The following BCAR3 variants were observed in gnomAD, a reference collection of about 807,000 sequenced individuals.
The protein encoded by BCAR3 is breast cancer anti-estrogen resistance protein 3.
BCAR3 carries 37 observed loss-of-function variants against 80.1 expected under a neutral mutation model. The observed-to-expected ratio is 0.46, with a 90% CI of 0.36 to 0.61. BCAR3 has a LOEUF of 0.61. Ranked by LOEUF, BCAR3 falls within the 20% of genes least tolerant of loss-of-function variation. BCAR3 has a pLI of 0.00. For synonymous variants in BCAR3, 389 were observed against 418.9 expected (o/e 0.93, Z 0.87); for missense variants, 978 against 1,068.2 (o/e 0.92, Z 1.18).
chr1:93,642,582 A>T (rs1676017087), intron 2 of BCAR3, among the ~76,000 whole-genome samples: 1 of 152,170 alleles, frequency 6.6e-6, no homozygotes, highest in South Asian at 2.1e-4. Flanking sequence ...GAGTATTTAC[A>T]TGTGGTAATT....
chr1:93,700,680 C>T (rs776012139), intron 3 of BCAR3, among the ~76,000 whole-genome samples: 2 of 152,184 alleles, frequency 1.3e-5, no homozygotes, highest in Admixed American at 6.5e-5. Flanking sequence ...ACTCCGGCAA[C>T]GACTCTGAAT....
intron 2 of BCAR3, among the ~76,000 whole-genome samples, chr1:93,778,164 C>T (rs1031826322): frequency 6.6e-6 from 1 of 152,064 alleles, no homozygotes; most frequent in African/African-American, 2.4e-5. Context: ...TGAAATAAAC[C>T]CTGGTTCCAT....
intron 2 of BCAR3, among the ~76,000 whole-genome samples, chr1:93,669,388 G>A (rs1028190243): frequency 6.6e-6 from 1 of 152,168 alleles, no homozygotes; most frequent in Admixed American, 6.5e-5. Context: ...TTGAAGATCT[G>A]ACATTGTGAC....
intron 3 of BCAR3, among the ~76,000 whole-genome samples, chr1:93,609,208 TA>T (rs1200449820): frequency 6.6e-6 from 1 of 152,110 alleles, no homozygotes; most frequent in Non-Finnish European, 1.5e-5. Context: ...GAAATGACTT[TA>T]AAGGAAAACA....
chr1:93,691,263 T>C (rs1166015557), intron 3 of BCAR3, among the ~76,000 whole-genome samples: 2 of 152,206 alleles, frequency 1.3e-5, no homozygotes, highest in African/African-American at 2.4e-5. Context: ...GAAAGCATTA[T>C]AGAAATGATA....
intron 5 of BCAR3, 118 bp from the exon 6 acceptor site, chr1:93,584,239 G>A (rs1673849862): frequency 1.2e-6 from 1 of 820,814 alleles, no homozygotes; most frequent in Non-Finnish European, 1.9e-6. Flanking sequence ...CAGAACGAGA[G>A]TGCTACAGCA....
intron 2 of BCAR3, among the ~76,000 whole-genome samples, chr1:93,811,429 G>A (rs1246608477): frequency 6.6e-6 from 1 of 152,168 alleles, no homozygotes; most frequent in Non-Finnish European, 1.5e-5. Flanking sequence ...AAAGACAGAG[G>A]GTGAGGCTCA....
chr1:93,583,973 C>T, intron 6 of BCAR3, 45 bp downstream of exon 6: 1 of 1,572,898 alleles, frequency 6.4e-7, no homozygotes, highest in African/African-American at 1.4e-5. Context: ...CTGAAGGAAA[C>T]CAGGGTAACA....
intron 3 of BCAR3, chr1:93,594,658 T>G (rs961451110): frequency 6.6e-6 from 1 of 152,258 alleles, no homozygotes. Context: ...CTGACCCCCA[T>G]TGAGTCACCC....
Position 93,567,787 on chromosome 1 carries a change from T to C in BCAR3, c.2039A>G (p.Tyr680Cys), listed in dbSNP as rs925263186. ...RHQYTQTAIL[Y>C]EKQLKPFSKL... The stretch of plus-strand genomic sequence containing the variant: ...GCTGAAGGGCTTCAGCTGTTTCTCA[T>C]AGAGAATGGCAGTTTGGGTGTACTG... Residue 680 changes from tyrosine (Y) to cysteine (C), a missense_variant, in exon 10 of 12, where the codon TAT (tyrosine) becomes TGT (cysteine). Coordinates refer to ENST00000260502, the MANE Select transcript of BCAR3 (RefSeq NM_003567.4). The C allele has an allele frequency of 1.2e-6, 2 of 1,614,220 alleles. No homozygotes were observed. The highest frequency in any genetic ancestry group is 1.1e-5 in the South Asian group (1 of 91,086).
At chr1:93,728,707 C>A (rs1650681038) in intron 2 of BCAR3, among the ~76,000 whole-genome samples, 1 of 152,172 alleles carries the variant, frequency 6.6e-6, no homozygotes, top group South Asian at 2.1e-4. Flanking sequence ...ATCTGTCATG[C>A]CCTCTTTTGC....
chr1:93,605,419 G>A (rs1431785702), intron 3 of BCAR3: 1 of 152,200 alleles, frequency 6.6e-6, no homozygotes, highest in Non-Finnish European at 1.5e-5. Flanking sequence ...TGGCACTTGG[G>A]TTAAAAGAAA....
rs375645584 is a variant in BCAR3, at chr1:93,582,822, C to T, written c.1165G>A (p.Gly389Arg). The T allele has an allele frequency of 6.2e-7, 1 of 1,613,940 alleles. No homozygotes were observed. The highest frequency in any genetic ancestry group is 8.5e-7 in the Non-Finnish European group (1 of 1,180,024). Residue 389 changes from glycine to arginine, a missense_variant, in exon 7 of 12, where the codon GGG becomes AGG. Coordinates refer to ENST00000260502, the MANE Select transcript of BCAR3 (RefSeq NM_003567.4). ...VRRVSSDARA[G>R]EALRGSDSQL... ...CTGTCTGATCCCCTCAGCGCCTCCC[C>T]AGCCCTGGCGTCTGAGGAGACCCTC...
intron 3 of BCAR3, among the ~76,000 whole-genome samples, chr1:93,614,739 G>A (rs1675054062): frequency 6.6e-6 from 1 of 152,118 alleles, no homozygotes; most frequent in African/African-American, 2.4e-5. Flanking sequence ...TGGGAGGATG[G>A]GGACTGTGTA....
At chr1:93,697,505 T>C (rs986295839) in intron 3 of BCAR3, among the ~76,000 whole-genome samples, 2 of 152,196 alleles carry the variant, frequency 1.3e-5, no homozygotes, top group Admixed American at 1.3e-4. Flanking sequence ...TTGAACAGTC[T>C]TGGGGGCACT....
intron 3 of BCAR3, among the ~76,000 whole-genome samples, chr1:93,604,122 C>T (rs1196715672): frequency 1.3e-5 from 2 of 152,198 alleles, no homozygotes; most frequent in Admixed American, 6.5e-5. Context: ...ATTTATCACA[C>T]TGTAGACCAA....
At chr1:93,835,641 A>G (rs6672089) in intron 2 of BCAR3, among the ~76,000 whole-genome samples, 19,781 of 152,164 alleles carry the variant, frequency 0.13, 1,978 homozygotes, top group African/African-American at 0.27. Flanking sequence ...GTGGAAATCT[A>G]TCCTCAAGGA....
intron 2 of BCAR3, among the ~76,000 whole-genome samples, chr1:93,790,094 T>G (rs1653089267): frequency 6.6e-6 from 1 of 152,224 alleles, no homozygotes; most frequent in African/African-American, 2.4e-5. Context: ...ATTGATGAAC[T>G]AACATAATTT....
At chr1:93,579,820 T>C (rs6541384) in intron 7 of BCAR3, among the ~76,000 whole-genome samples, 8 of 152,238 alleles carry the variant, frequency 5.3e-5, no homozygotes, top group African/African-American at 1.9e-4. Context: ...GTCTCCCTCC[T>C]GGCCCACTGA....
Sources: gnomAD v4.1 joint callset for allele counts (sites outside exome capture counted in the v4.1 genomes callset) on GRCh38, gnomAD v4.1.1 for gene constraint, MANE v1.5 for transcripts, NCBI Gene and HGNC (gene_info 2026-07-23, HGNC 2026-07-21) for gene names.